The following SYCE2 variants were observed in gnomAD, a reference collection of about 807,000 sequenced individuals.
The protein encoded by SYCE2 is central element synaptonemal complex 1.
Under a neutral mutation model 27.9 loss-of-function variants are expected in SYCE2, and 3 were observed. The observed-to-expected ratio is 0.11, with a 90% CI of 0.05 to 0.28. SYCE2 has a LOEUF of 0.28. Among genes scored for constraint, SYCE2 ranks in the 10% least tolerant of loss-of-function variants. The pLI is 1.00. For synonymous variants in SYCE2, 85 were observed against 100.7 expected, an observed-to-expected ratio of 0.84 and a Z score of 0.93; for missense variants, 207 against 263.5, an observed-to-expected ratio of 0.79 and a Z score of 1.48.
chr19:12,905,729 T>C (rs959729086), intron 2 of SYCE2, among the ~76,000 whole-genome samples: 14 of 152,150 alleles, frequency 9.2e-5, no homozygotes, highest in African/African-American at 3.4e-4. Context: ...CACTGCAGTG[T>C]CAGCTTCAAG....
intron 5 of SYCE2, chr19:12,899,690 C>T: frequency 6.2e-7 from 1 of 1,612,232 alleles, no homozygotes; most frequent in Non-Finnish European, 8.5e-7. Context: ...TCAAAATTTC[C>T]CTTCTGAAGT....
chr19:12,901,992 A>G (rs890363239), intron 3 of SYCE2, among the ~76,000 whole-genome samples: 16 of 152,168 alleles, frequency 1.1e-4, no homozygotes, highest in African/African-American at 3.9e-4. Flanking sequence ...GTCAGACTGT[A>G]TATACAATGA....
intron 1 of SYCE2, 30 bp from the exon 2 acceptor site, chr19:12,918,367 G>C: frequency 1.3e-6 from 2 of 1,597,242 alleles, no homozygotes; most frequent in South Asian, 2.2e-5. Context: ...GGAGGCCAAG[G>C]AGGGAGGATG....
intron 1 of SYCE2, 58 bp downstream of exon 1, chr19:12,919,185 G>C: frequency 6.2e-7 from 1 of 1,602,024 alleles, no homozygotes; most frequent in Non-Finnish European, 8.5e-7. Flanking sequence ...GATCGCAGCC[G>C]TTCCCTGCCT....
At chr19:12,899,868 G>A (rs1970795781) in intron 5 of SYCE2, 136 bp downstream of exon 5, 4 of 1,589,696 alleles carry the variant, frequency 2.5e-6, no homozygotes, top group Non-Finnish European at 2.6e-6. Context: ...CCCTCACACT[G>A]AGTTCACAGT....
At chr19:12,912,792 A>T (rs1327468518) in intron 2 of SYCE2, among the ~76,000 whole-genome samples, 1 of 152,070 alleles carries the variant, frequency 6.6e-6, no homozygotes, top group Non-Finnish European at 1.5e-5. Context: ...AAAAAAAAAA[A>T]TCACTTGAAT....
intron 4 of SYCE2, 55 bp downstream of exon 4, chr19:12,900,405 G>A: frequency 1.9e-6 from 3 of 1,567,098 alleles, no homozygotes; most frequent in Non-Finnish European, 2.6e-6. Context: ...ACTCTTGGCT[G>A]GGCCATCCCT....
chr19:12,903,506 C>T (rs1239504196), intron 3 of SYCE2, among the ~76,000 whole-genome samples: 2 of 151,784 alleles, frequency 1.3e-5, no homozygotes, highest in Non-Finnish European at 2.9e-5. Context: ...TCTGTCTCAT[C>T]CTCCCGAGTA....
chr19:12,904,079 C>T (rs1183274679), intron 3 of SYCE2, among the ~76,000 whole-genome samples: 1 of 152,160 alleles, frequency 6.6e-6, no homozygotes, highest in African/African-American at 2.4e-5. Context: ...TGCCTCAACC[C>T]CCTACTCCCG....
In SYCE2 at chr19:12,908,385, C is replaced by T. The variant is rs537490263; in HGVS notation, c.132-3719G>A. ...TGTCACCGAGGCTGGAGTGCACTGG[C>T]ATGATCTCAGCTCACTGCAAGCTCT... On this transcript the variant is annotated intron_variant, in intron 2 of 5. Transcript: ENST00000293695. Among the ~76,000 whole-genome samples, 12 of 150,222 alleles carry T rather than the reference C, an allele frequency of 8.0e-5. No homozygotes were observed. In the East Asian group the frequency reaches 2.2e-3, roughly 28 times the overall value.
chr19:12,907,705 C>G (rs528935288), intron 2 of SYCE2, among the ~76,000 whole-genome samples: 1 of 152,154 alleles, frequency 6.6e-6, no homozygotes, highest in Non-Finnish European at 1.5e-5. Context: ...GCAGGAGGAT[C>G]GCTTGAACCT....
intron 2 of SYCE2, among the ~76,000 whole-genome samples, chr19:12,908,816 G>A (rs1340882811): frequency 6.6e-6 from 1 of 152,084 alleles, no homozygotes; most frequent in Non-Finnish European, 1.5e-5. Context: ...TGCTACTCCC[G>A]ACATGTGGTA....
Position 12,900,020 on chromosome 19 carries a change from G to A in SYCE2, c.596C>T (p.Ala199Val). ...GGTAACCACCTGAGAAGTAGTTTCA[G>A]CCACAGAAGAAACGAACACGTCTGG... ...QPPDVFVSSV[A>V]ETTSQATASE... The change falls in exon 5 of 6, where the codon GCT becomes GTT. Residue 199 changes from alanine to valine, a missense_variant. By Grantham distance (64) the Ala-to-Val change is moderately conservative (BLOSUM62 0). Transcript: ENST00000293695. 6.2e-7 allele frequency: 1 copy of A among 1,613,504 alleles called. No individual in the cohort carries two copies. Among genetic ancestry groups the A allele is most frequent in the Non-Finnish European group, 8.5e-7 (1 of 1,179,980 alleles).
intron 2 of SYCE2, among the ~76,000 whole-genome samples, chr19:12,909,870 T>C (rs1599636820): frequency 6.6e-6 from 1 of 151,064 alleles, no homozygotes; most frequent in Non-Finnish European, 1.5e-5. Context: ...CCAGCCTTTT[T>C]ATTTATTTGT....
At chr19:12,903,055 AAAAAG>A (rs1382731293) in intron 3 of SYCE2, among the ~76,000 whole-genome samples, 2 of 150,104 alleles carry the variant, frequency 1.3e-5, no homozygotes, top group East Asian at 3.9e-4. Context: ...AAAAAAAAAG[AAAAAG>A]AAAAAACCAG....
intron 2 of SYCE2, among the ~76,000 whole-genome samples, chr19:12,906,630 C>T (rs1246831891): frequency 2.0e-5 from 3 of 152,090 alleles, no homozygotes; most frequent in Non-Finnish European, 2.9e-5. Context: ...GAACTGGGGC[C>T]GGGCGCGGTG....
intron 1 of SYCE2, 27 bp downstream of exon 1, chr19:12,919,216 C>A (rs1293373499): frequency 1.2e-6 from 2 of 1,610,156 alleles, no homozygotes; most frequent in Non-Finnish European, 8.5e-7. Flanking sequence ...CCGCCCCACG[C>A]GCGAGAAGGA....
intron 1 of SYCE2, among the ~76,000 whole-genome samples, chr19:12,918,950 CAAAA>C (rs751137312): frequency 7.0e-5 from 4 of 57,134 alleles, no homozygotes; most frequent in East Asian, 1.7e-3. Context: ...TACTTCGTCT[CAAAA>C]AAAAAAAAAA....
chr19:12,907,832 A>G (rs775766324), intron 2 of SYCE2, among the ~76,000 whole-genome samples: 8 of 144,790 alleles, frequency 5.5e-5, no homozygotes, highest in African/African-American at 7.7e-5. Flanking sequence ...AGCTATCTCA[A>G]CCAGGCACAG....
Sources: allele counts gnomAD v4.1 joint callset (sites outside exome capture counted in the v4.1 genomes callset), GRCh38; gene constraint gnomAD v4.1.1; transcripts MANE v1.5; gene names NCBI Gene and HGNC (gene_info 2026-07-23, HGNC 2026-07-21).